The following STK3 variants were observed in gnomAD, a reference collection of about 807,000 sequenced individuals.
STK3 encodes serine/threonine kinase 3.
A neutral mutation model predicts 58.0 loss-of-function variants in STK3; 41 were observed. That is an observed-to-expected ratio of 0.71 (90% confidence interval 0.55 to 0.92). The LOEUF (loss-of-function observed/expected upper bound fraction) is 0.92. Ranked by LOEUF, STK3 falls within the 40% of genes least tolerant of loss-of-function variation. STK3 has a pLI of 0.00. For missense variants in STK3, 479 were observed against 602.7 expected, an observed-to-expected ratio of 0.79 and a Z score of 2.15; for synonymous variants, 170 against 191.0, an observed-to-expected ratio of 0.89 and a Z score of 0.91.
downstream of STK3, among the ~76,000 whole-genome samples, chr8:98,399,642 C>T (rs941142865): frequency 8.5e-5 from 13 of 152,212 alleles, no homozygotes; most frequent in African/African-American, 1.7e-4. Flanking sequence ...TAAAATTAGA[C>T]GATCTCTGAG....
intron 6 of STK3, among the ~76,000 whole-genome samples, chr8:98,687,523 G>A (rs938069003): frequency 1.3e-5 from 2 of 152,112 alleles, no homozygotes; most frequent in Non-Finnish European, 2.9e-5. Flanking sequence ...ACCAGTCTGT[G>A]GCCCAGGAGT....
intron 4 of STK3, among the ~76,000 whole-genome samples, chr8:98,740,703 C>G (rs1003331223): frequency 6.6e-6 from 1 of 152,250 alleles, no homozygotes; most frequent in East Asian, 1.9e-4. Flanking sequence ...GCAAAATAAC[C>G]AGCTAACATC....
At chr8:98,630,640 A>AAGAAGG (rs145562039) in intron 6 of STK3, among the ~76,000 whole-genome samples, 1,716 of 150,096 alleles carry the variant, frequency 0.011, 25 homozygotes, top group African/African-American at 0.033. Context: ...GGAACAGAAG[A>AAGAAGG]AGAAGGAGAA....
At chr8:98,905,599 C>T (rs2131965873) in intron 1 of STK3, 1 of 1,017,152 alleles carries the variant, frequency 9.8e-7, no homozygotes, top group Non-Finnish European at 1.6e-6. Context: ...ACCTTCCCTA[C>T]TGCTTGAAAA....
chr8:98,806,076 G>A (rs995173940), intron 1 of STK3, among the ~76,000 whole-genome samples: 1 of 152,132 alleles, frequency 6.6e-6, no homozygotes, highest in East Asian at 1.9e-4. Context: ...ATTATGTACT[G>A]TATGAGAATA....
chr8:98,805,175 G>A (rs187898091), intron 1 of STK3, among the ~76,000 whole-genome samples: 3 of 152,268 alleles, frequency 2.0e-5, no homozygotes, highest in East Asian at 1.9e-4. Context: ...AACTAACTGC[G>A]GAACCTAAGA....
At chr8:98,699,739 G>A (rs1049805417) in intron 6 of STK3, among the ~76,000 whole-genome samples, 5 of 152,216 alleles carry the variant, frequency 3.3e-5, no homozygotes, top group Admixed American at 6.5e-5. Flanking sequence ...TCTCAGAGGA[G>A]TACCCGGCCG....
rs915175928 is a variant in STK3, at chr8:98,447,117, C to A, written n.186-9909G>T. Among the ~76,000 whole-genome samples the A allele has an allele frequency of 6.6e-5, 10 of 152,104 alleles. No homozygotes were observed. The South Asian group carries it at 2.1e-3, about 32-fold the overall frequency. On this transcript the variant is annotated intron_variant and non_coding_transcript_variant, in intron 1 of 3. Coordinates refer to the STK3 transcript ENST00000517832. ...TGGAGGGTGGCAAGAGGGAGAGGAA[C>A]ACGAAAAATAACTATTGGGTACTAG...
chr8:98,347,370 C>T, the STK3 span, among the ~76,000 whole-genome samples: 5 of 151,590 alleles, frequency 3.3e-5, no homozygotes, highest in Non-Finnish European at 7.4e-5. Flanking sequence ...AAAAAATTAG[C>T]CGGGCGTGAT....
intron 6 of STK3, among the ~76,000 whole-genome samples, chr8:98,668,841 A>G (rs1016148059): frequency 6.6e-6 from 1 of 152,196 alleles, no homozygotes; most frequent in Non-Finnish European, 1.5e-5. Flanking sequence ...AGGCACATCA[A>G]AAAAAGATGA....
intron 8 of STK3, among the ~76,000 whole-genome samples, chr8:98,570,014 A>T: frequency 6.7e-6 from 1 of 148,768 alleles, no homozygotes; most frequent in East Asian, 1.9e-4. Flanking sequence ...CCAGTAAAGA[A>T]CAAATACATA....
intron 9 of STK3, among the ~76,000 whole-genome samples, chr8:98,543,996 T>C (rs1194159979): frequency 1.3e-5 from 2 of 149,696 alleles, no homozygotes; most frequent in East Asian, 3.9e-4. Context: ...GCAGAAGCAA[T>C]GAAATATAGC....
rs540434503 is a variant in STK3 at position 98,586,704 on chromosome 8, T to A, written c.823-6915A>T. 5.3e-5 allele frequency among the ~76,000 whole-genome samples: 8 copies of A among 152,122 alleles called. 1 individual carries two copies. The highest frequency in any genetic ancestry group is 1.9e-4 in the African/African-American group (8 of 41,364). ...TTCCTCCTTGTACCTCTGGTAGAAT[T>A]AGGCTGTGAATCTGTCTGGTCCTGG... is the stretch of plus-strand genomic sequence containing the variant. On this transcript the variant is annotated intron_variant, in intron 7 of 10. Coordinates refer to ENST00000419617, the MANE Select transcript of STK3 (RefSeq NM_006281.4).
intron 10 of STK3, among the ~76,000 whole-genome samples, chr8:98,495,034 T>C (rs1251848618): frequency 6.6e-6 from 1 of 152,210 alleles, no homozygotes; most frequent in East Asian, 1.9e-4. Context: ...ATATTTCAAA[T>C]AAAATACTTT....
chr8:98,644,556 G>A (rs981811831), intron 6 of STK3, among the ~76,000 whole-genome samples: 14 of 152,000 alleles, frequency 9.2e-5, no homozygotes, highest in Admixed American at 5.2e-4. Flanking sequence ...GGTCCCAAAT[G>A]CAACAGAAAT....
intron 1 of STK3, among the ~76,000 whole-genome samples, chr8:98,449,258 C>A (rs1819088443): frequency 1.3e-5 from 2 of 152,210 alleles, no homozygotes; most frequent in African/African-American, 2.4e-5. Context: ...CCATATTTGA[C>A]ACTCACAAGA....
chr8:98,404,057 A>G (rs1817969733), intron 3 of STK3, among the ~76,000 whole-genome samples: 1 of 152,222 alleles, frequency 6.6e-6, no homozygotes, highest in Non-Finnish European at 1.5e-5. Flanking sequence ...CCCAAGATTG[A>G]GGCAGAGTTT....
At chr8:98,892,812 T>C (rs1436085463) in intron 1 of STK3, among the ~76,000 whole-genome samples, 1 of 152,244 alleles carries the variant, frequency 6.6e-6, no homozygotes, top group Non-Finnish European at 1.5e-5. Flanking sequence ...ACTTGTCTCA[T>C]AGCAGTCACT....
intron 4 of STK3, among the ~76,000 whole-genome samples, chr8:98,711,994 A>G (rs1190349869): frequency 2.0e-5 from 3 of 152,258 alleles, no homozygotes; most frequent in African/African-American, 4.8e-5. Context: ...TTCTTAAAGA[A>G]AAGAATTTTC....
Sources: gnomAD v4.1 joint callset for allele counts (sites outside exome capture counted in the v4.1 genomes callset) on GRCh38, gnomAD v4.1.1 for gene constraint, MANE v1.5 for transcripts, NCBI Gene and HGNC (gene_info 2026-07-23, HGNC 2026-07-21) for gene names.